Variants in GRM8 observed in about 807,000 individuals in gnomAD.
GRM8 encodes the protein metabotropic glutamate receptor 8.
A neutral mutation model predicts 87.2 loss-of-function variants in GRM8; 47 were observed. That is an observed-to-expected ratio of 0.54 (90% CI 0.43 to 0.69). The LOEUF is 0.69. GRM8 is among the 30% of genes least tolerant of loss of function. The pLI is 0.00. For synonymous variants in GRM8, 396 were observed against 404.5 expected, an observed-to-expected ratio of 0.98 and a Z score of 0.25; for missense variants, 1,019 against 1,139.2, an observed-to-expected ratio of 0.89 and a Z score of 1.52.
chr7:126,463,300 T>A (rs1804102587), intron 9 of GRM8, among the ~76,000 whole-genome samples: 1 of 151,536 alleles, frequency 6.6e-6, no homozygotes, highest in South Asian at 2.1e-4. Flanking sequence ...GTATACTCAG[T>A]GCATATACTT....
chr7:127,084,442 C>T (rs1269642120), intron 3 of GRM8: 2 of 152,160 alleles, frequency 1.3e-5, no homozygotes, highest in East Asian at 1.9e-4. Context: ...GACGAAGGGG[C>T]ATTAGATACA....
chr7:126,668,244 T>G (rs935136141), intron 7 of GRM8, among the ~76,000 whole-genome samples: 8 of 152,050 alleles, frequency 5.3e-5, no homozygotes, highest in Non-Finnish European at 8.8e-5. Flanking sequence ...CCATTCAAAC[T>G]GTTTGTGAGC....
In GRM8 at chr7:126,980,687, G is replaced by C. The variant is rs1279996256; in HGVS notation, c.728-76004C>G. Among the ~76,000 whole-genome samples the C allele has an allele frequency of 2.0e-5, 3 of 152,078 alleles. No homozygotes were observed. In the East Asian group the frequency reaches 5.8e-4, roughly 29 times the overall value. ...GCCCTTGGAAGATACCACCTCCTCA[G>C]CTCCTTAACCTTGGCGATAGTTCTT... On this transcript the variant is annotated intron_variant, in intron 3 of 10. Coordinates refer to ENST00000339582, the MANE Select transcript of GRM8 (RefSeq NM_000845.3).
chr7:126,452,312 A>G (rs1045667703), intron 9 of GRM8, among the ~76,000 whole-genome samples: 1 of 150,496 alleles, frequency 6.6e-6, no homozygotes, highest in African/African-American at 2.4e-5. Flanking sequence ...GAGGGATAGC[A>G]TTAGGAGATA....
chr7:126,992,653 T>G (rs559414739), intron 3 of GRM8, among the ~76,000 whole-genome samples: 8 of 152,200 alleles, frequency 5.3e-5, no homozygotes, highest in Non-Finnish European at 1.2e-4. Context: ...CCTTCTCTAC[T>G]TCAGTTTATA....
At chr7:126,552,903 C>T (rs935612009) in intron 8 of GRM8, among the ~76,000 whole-genome samples, 6 of 152,056 alleles carry the variant, frequency 3.9e-5, no homozygotes, top group Admixed American at 3.3e-4. Flanking sequence ...TTATTTATAA[C>T]TTACTAAATG....
At chr7:127,040,052 GAGGAGGGA>G (rs1818269720) in intron 3 of GRM8, among the ~76,000 whole-genome samples, 1 of 1,828 alleles carries the variant, frequency 5.5e-4, no homozygotes. Flanking sequence ...GGAGGGTGGG[GAGGAGGGA>G]AGAAGGGGAG....
rs140251323 is a variant in GRM8 at position 127,046,884 on chromosome 7, AT to A, written c.727+59611del. On this transcript the variant is annotated intron_variant, in intron 3 of 10. Coordinates refer to ENST00000339582, the MANE Select transcript of GRM8 (RefSeq NM_000845.3). The stretch of plus-strand genomic sequence containing the variant: ...CTCTCTTTAAAAGACATATTCTAAA[AT>A]TTTCACCTTTACTATTTATGTTTGC... Among the ~76,000 whole-genome samples, 712 of 152,254 alleles carry A rather than the reference AT, an allele frequency of 4.7e-3. 10 individuals are homozygous for A. Among genetic ancestry groups the A allele is most frequent in the African/African-American group, 0.016 (661 of 41,516 alleles).
At chr7:126,823,028 A>G (rs904449882) in intron 6 of GRM8, among the ~76,000 whole-genome samples, 1 of 152,216 alleles carries the variant, frequency 6.6e-6, no homozygotes, top group Non-Finnish European at 1.5e-5. Flanking sequence ...CTTCTAAAAT[A>G]TGATTTATTT....
intron 2 of GRM8, among the ~76,000 whole-genome samples, chr7:127,137,380 G>T (rs1449132154): frequency 6.6e-6 from 1 of 152,008 alleles, no homozygotes; most frequent in Non-Finnish European, 1.5e-5. Flanking sequence ...TACATTATGG[G>T]CCATTACAGA....
At chr7:126,930,940 T>C (rs1213337580) in intron 3 of GRM8, among the ~76,000 whole-genome samples, 4 of 152,170 alleles carry the variant, frequency 2.6e-5, no homozygotes, top group Non-Finnish European at 4.4e-5. Flanking sequence ...ACCCCCTCAC[T>C]TCTGCTTCCA....
At chr7:127,023,115 C>T (rs1021936214) in intron 3 of GRM8, among the ~76,000 whole-genome samples, 3 of 151,978 alleles carry the variant, frequency 2.0e-5, no homozygotes, top group African/African-American at 4.8e-5. Flanking sequence ...TTTATGTTTT[C>T]GGTAGTACTT....
intron 2 of GRM8, among the ~76,000 whole-genome samples, chr7:127,109,596 C>A (rs1826159420): frequency 6.6e-6 from 1 of 152,156 alleles, no homozygotes; most frequent in Non-Finnish European, 1.5e-5. Context: ...TTCACTAACT[C>A]CATCAGGCAG....
chr7:126,954,667 T>A (rs1259695889), intron 3 of GRM8, among the ~76,000 whole-genome samples: 1 of 152,306 alleles, frequency 6.6e-6, no homozygotes, highest in South Asian at 2.1e-4. Flanking sequence ...TTACTGTACA[T>A]GTCCTCATCT....
chr7:126,502,226 C>G (rs576877221), intron 9 of GRM8, among the ~76,000 whole-genome samples: 2 of 152,114 alleles, frequency 1.3e-5, no homozygotes, highest in Admixed American at 1.3e-4. Flanking sequence ...AAATGACAAA[C>G]AGCTACCTGT....
rs1243613260 is a variant in GRM8, at chr7:126,853,330, G to GT, written c.1156+49211dup. 9.2e-5 allele frequency among the ~76,000 whole-genome samples: 14 copies of GT among 151,752 alleles called. No individual in the cohort carries two copies. In the South Asian group the frequency reaches 1.2e-3, roughly 14 times the overall value. ...AGGTCGCAAGGTGTTTTTTTTGTTT[G>GT]TTTTTTTTAAGTCTTTGTTCTCTTT... On this transcript the variant is annotated intron_variant, in intron 6 of 10. Transcript: ENST00000339582.
At chr7:127,034,344 G>T (rs1481691650) in intron 3 of GRM8, among the ~76,000 whole-genome samples, 1 of 152,098 alleles carries the variant, frequency 6.6e-6, no homozygotes, top group Non-Finnish European at 1.5e-5. Flanking sequence ...ACCACTATAG[G>T]CATTTGAGTT....
intron 3 of GRM8, among the ~76,000 whole-genome samples, chr7:127,103,409 C>T (rs760482701): frequency 2.6e-5 from 4 of 152,122 alleles, no homozygotes; most frequent in Non-Finnish European, 4.4e-5. Context: ...AAGTGTGTTG[C>T]ACCTCCTCCC....
At chr7:126,468,954 C>T (rs1804829340) in intron 9 of GRM8, among the ~76,000 whole-genome samples, 1 of 152,082 alleles carries the variant, frequency 6.6e-6, no homozygotes, top group African/African-American at 2.4e-5. Flanking sequence ...GTTCTTATCT[C>T]ACAAAGAAAA....
Sources: allele counts gnomAD v4.1 joint callset (sites outside exome capture counted in the v4.1 genomes callset), GRCh38; gene constraint gnomAD v4.1.1; transcripts MANE v1.5; gene names NCBI Gene and HGNC (gene_info 2026-07-23, HGNC 2026-07-21).